Variants in CFAP97D2 observed in about 807,000 individuals in gnomAD.
CFAP97D2 encodes CFAP97 domain containing 2, also known as uncharacterized protein CFAP97D2.
intron 1 of CFAP97D2, among the ~76,000 whole-genome samples, chr13:114,195,885 T>C (rs2080884335): frequency 6.9e-6 from 1 of 145,962 alleles, no homozygotes; most frequent in Non-Finnish European, 1.5e-5. Flanking sequence ...TCCTGGCTAA[T>C]GCGTTGAAAC....
At chr13:114,192,335 G>A (rs892915412) in intron 1 of CFAP97D2, among the ~76,000 whole-genome samples, 1 of 152,152 alleles carries the variant, frequency 6.6e-6, no homozygotes, top group Non-Finnish European at 1.5e-5. Context: ...GATGCAGAGG[G>A]TATATGGGAA....
chr13:114,220,104 A>G (rs1404038213), intron 4 of CFAP97D2, among the ~76,000 whole-genome samples: 1 of 152,156 alleles, frequency 6.6e-6, no homozygotes, highest in Non-Finnish European at 1.5e-5. Context: ...GGTTTAGGAA[A>G]GAAAAATGCT....
Position 114,198,732 on chromosome 13 carries a change from T to G in CFAP97D2, c.172-1593T>G, listed in dbSNP as rs1212051840. Among the ~76,000 whole-genome samples the G allele has an allele frequency of 5.0e-3, 245 of 49,346 alleles. 1 individual carries two copies. Among genetic ancestry groups the G allele is most frequent in the African/African-American group, 8.2e-3 (43 of 5,216 alleles). The allele number at this position is 49,346 out of a possible 152,430, so 32.4% of individuals were successfully genotyped here. On this transcript the variant is annotated intron_variant, in intron 2 of 4. Coordinates refer to ENST00000646158, the Ensembl canonical transcript of CFAP97D2. Reference sequence around the variant, plus strand: ...TGAGGGGTGACGGCGCGTCCCCGTGTGTACAGTCCCCGCTGAGGGGTGACG... The same window carrying G: ...TGAGGGGTGACGGCGCGTCCCCGTGGGTACAGTCCCCGCTGAGGGGTGACG...
chr13:114,219,777 A>C (rs1478437515), intron 4 of CFAP97D2, among the ~76,000 whole-genome samples: 1 of 152,246 alleles, frequency 6.6e-6, no homozygotes, highest in Non-Finnish European at 1.5e-5. Flanking sequence ...CTGAACCTCA[A>C]GCTGGAATTA....
chr13:114,198,254 C>T (rs1488152159), intron 2 of CFAP97D2, among the ~76,000 whole-genome samples: 1 of 152,182 alleles, frequency 6.6e-6, no homozygotes, highest in Non-Finnish European at 1.5e-5. Flanking sequence ...TTGAGAATTG[C>T]ATGGTTATCT....
chr13:114,214,108 A>C (rs1412558792), intron 4 of CFAP97D2: 1 of 152,468 alleles, frequency 6.6e-6, no homozygotes, highest in African/African-American at 2.4e-5. Flanking sequence ...CACAGGCTCT[A>C]CCCCTGCGCA....
chr13:114,212,801 G>A (rs539078008), intron 4 of CFAP97D2, among the ~76,000 whole-genome samples: 30 of 152,062 alleles, frequency 2.0e-4, no homozygotes, highest in Non-Finnish European at 3.5e-4. Flanking sequence ...GCAGTGAGCC[G>A]AGATCTTGCC....
Position 114,211,854 on chromosome 13 carries a change from A to T in CFAP97D2, c.291-58A>T, listed in dbSNP as rs1257606795. The stretch of plus-strand genomic sequence containing the variant: ...GCTCTGGAGCCTGTTGGCCCTGTGG[A>T]GGGAATGGCAGCCTTAATAAAATCC... On this transcript the variant is annotated intron_variant, in intron 3 of 4. Coordinates refer to ENST00000646158, the Ensembl canonical transcript of CFAP97D2. The surrounding 1 kb of genome is among the most constrained non-coding windows in gnomAD (Gnocchi z 4.2). 2.5e-6 allele frequency: 1 copy of T among 398,286 alleles called. No individual in the cohort carries two copies. The highest frequency in any genetic ancestry group is 4.4e-6 in the Non-Finnish European group (1 of 226,060). The allele number at this position is 398,286 out of a possible 1,614,324, so 24.7% of individuals were successfully genotyped here. A position where few individuals can be genotyped will look rare whatever the true frequency, so the allele number is the denominator to read the frequency against.
At position 114,186,065 on chromosome 13, in the gene CFAP97D2, A is replaced by G. The variant is rs1366717788; in HGVS notation, c.90+6645A>G. On this transcript the variant is annotated intron_variant, in intron 1 of 4. Transcript: ENST00000646158. The surrounding 1 kb of genome is among the most constrained non-coding windows in gnomAD (Gnocchi z 4.3). ...ACCAATCAGCATGCACTTCCTCCAC[A>G]CTGAGGCCCATAAAAACCCTGGACT... Among the ~76,000 whole-genome samples, 1 of 152,160 alleles carries G rather than the reference A, an allele frequency of 6.6e-6. No individual in the cohort carries two copies.
In CFAP97D2 at chr13:114,205,074, C is replaced by T. The variant is rs374755521; in HGVS notation, c.290+4631C>T. ...TGATTAATAAGCACATGAAAAGATA[C>T]TTAGCATCATTCATCATCAAGGAAA... On this transcript the variant is annotated intron_variant, in intron 3 of 4. Coordinates refer to ENST00000646158, the Ensembl canonical transcript of CFAP97D2. Among the ~76,000 whole-genome samples the T allele has an allele frequency of 1.9e-4, 29 of 152,318 alleles. 1 individual carries two copies. The highest frequency in any genetic ancestry group is 6.3e-4 in the African/African-American group (26 of 41,582).
At chr13:114,201,023 T>C (rs2080915793) in intron 3 of CFAP97D2, among the ~76,000 whole-genome samples, 1 of 152,198 alleles carries the variant, frequency 6.6e-6, no homozygotes, top group South Asian at 2.1e-4. Context: ...GGGATACTGG[T>C]ACTGCTCTTT....
intron 4 of CFAP97D2, among the ~76,000 whole-genome samples, chr13:114,212,802 A>C (rs2080973804): frequency 6.6e-6 from 1 of 152,224 alleles, no homozygotes; most frequent in African/African-American, 2.4e-5. Context: ...CAGTGAGCCG[A>C]GATCTTGCCA....
exon 3 of CFAP97D2, chr13:114,200,415 G>A (rs2080912136): frequency 2.5e-6 from 1 of 398,534 alleles, no homozygotes; most frequent in Non-Finnish European, 4.4e-6. Flanking sequence ...GGGACAGACT[G>A]ACAGCAAAAA....
chr13:114,186,387 C>T lies in CFAP97D2; in HGVS notation c.90+6967C>T, dbSNP rs2080853417. 1.3e-5 allele frequency among the ~76,000 whole-genome samples: 2 copies of T among 152,198 alleles called. No homozygotes were observed. The highest frequency in any genetic ancestry group is 1.3e-4 in the Admixed American group (2 of 15,282). On this transcript the variant is annotated intron_variant, in intron 1 of 4. Coordinates refer to ENST00000646158, the Ensembl canonical transcript of CFAP97D2. This position sits in a 1 kb window ranked among gnomAD's most constrained non-coding sequence, Gnocchi z 4.3. ...AGCTGTTCTATTGTTCAGTAAAGCT[C>T]CTCTTTGTCTTGCTCACCCTCCACT...
chr13:114,190,924 T>C (rs144300397), intron 1 of CFAP97D2, among the ~76,000 whole-genome samples: 2 of 152,290 alleles, frequency 1.3e-5, no homozygotes, highest in East Asian at 1.9e-4. Context: ...AATGAAAGAA[T>C]AGGCAAATCA....
intron 3 of CFAP97D2, among the ~76,000 whole-genome samples, chr13:114,206,173 G>A (rs755780508): frequency 6.0e-5 from 9 of 148,880 alleles, no homozygotes; most frequent in Non-Finnish European, 8.9e-5. Context: ...GCACAATCTC[G>A]GCTCACTGCA....
At chr13:114,213,715 C>T (rs1255358941) in intron 4 of CFAP97D2, among the ~76,000 whole-genome samples, 3 of 143,200 alleles carry the variant, frequency 2.1e-5, no homozygotes, top group Non-Finnish European at 4.6e-5. Flanking sequence ...GGACCATGAA[C>T]CCTACCCCTA....
At chr13:114,214,524 C>A (rs2080984942) in intron 4 of CFAP97D2, among the ~76,000 whole-genome samples, 1 of 152,168 alleles carries the variant, frequency 6.6e-6, no homozygotes, top group Non-Finnish European at 1.5e-5. Flanking sequence ...GAAGTAATCA[C>A]TGTTAGCAAC....
Position 114,180,671 on chromosome 13 carries a change from T to C in CFAP97D2, c.90+1251T>C, listed in dbSNP as rs117950265. The stretch of plus-strand genomic sequence containing the variant: ...GCACGTAGAGTGTGGAGTGAGCACT[T>C]GGTCAACCGTTGTCAGTAGGGAAAG... On this transcript the variant is annotated intron_variant, in intron 1 of 4. Coordinates refer to ENST00000646158, the Ensembl canonical transcript of CFAP97D2. 3.6e-3 allele frequency among the ~76,000 whole-genome samples: 542 copies of C among 152,334 alleles called. 2 individuals carry two copies. The highest frequency in any genetic ancestry group is 6.3e-3 in the Non-Finnish European group (426 of 68,030).
Sources: allele counts gnomAD v4.1 joint callset (sites outside exome capture counted in the v4.1 genomes callset), GRCh38; gene constraint gnomAD v4.1.1; non-coding constraint Gnocchi (gnomAD v3.1); transcripts MANE v1.5; gene names NCBI Gene and HGNC (gene_info 2026-07-23, HGNC 2026-07-21).